The following PAPPA variants were observed in gnomAD, a reference collection of about 807,000 sequenced individuals.
PAPPA encodes pappalysin 1, also known as pappalysin-1.
A neutral mutation model predicts 164.0 loss-of-function variants in PAPPA; 60 were observed. The observed-to-expected ratio is 0.37, with a 90% CI of 0.30 to 0.45. The LOEUF (loss-of-function observed/expected upper bound fraction) is 0.45. Among genes scored for constraint, PAPPA ranks in the 20% least tolerant of loss-of-function variants. The pLI, the probability that PAPPA is intolerant of heterozygous loss-of-function variation, is 1.00. For missense variants in PAPPA, 1,782 were observed against 2,087.3 expected (o/e 0.85, Z 2.85); for synonymous variants, 875 against 814.1 (o/e 1.07, Z -1.27).
At chr9:116,213,677 T>C (rs989711410) in intron 4 of PAPPA, among the ~76,000 whole-genome samples, 11 of 152,278 alleles carry the variant, frequency 7.2e-5, no homozygotes, top group Middle Eastern at 3.4e-3. Flanking sequence ...TCTTTTTTTT[T>C]CCCCTTTGTA....
intron 2 of PAPPA, among the ~76,000 whole-genome samples, chr9:116,189,759 G>A (rs1205847071): frequency 6.6e-6 from 1 of 152,140 alleles, no homozygotes; most frequent in Admixed American, 6.5e-5. Context: ...CTGATGGCTC[G>A]AGCACATTTG....
rs191013473 is a variant in PAPPA, at chr9:116,189,362, A to G, written c.1478+1146A>G. Among the ~76,000 whole-genome samples the G allele has an allele frequency of 2.6e-5, 4 of 152,366 alleles. No individual in the cohort carries two copies. The East Asian group carries it at 7.7e-4, about 29-fold the overall frequency. On this transcript the variant is annotated intron_variant, in intron 2 of 21. Coordinates refer to ENST00000328252, the MANE Select transcript of PAPPA (RefSeq NM_002581.5). ...CTATAATAAACTGTTTGCTATCTATATGTTTCCCATAACATCATGTCTACC... is the reference window on the plus strand; with the variant it reads ...CTATAATAAACTGTTTGCTATCTATGTGTTTCCCATAACATCATGTCTACC...
Position 116,187,803 on chromosome 9 carries a change from C to T in PAPPA, c.1065C>T (p.Tyr355=), listed in dbSNP as rs1564177699. ...TCCGCCAGCCCAAGGTGGTGCGCTA[C>T]CGCGTGGTCAACCTCTATGAAGATG... ...SSFRQPKVVR[Y]RVVNLYEDDH... The change falls in exon 2 of 22, where the codon TAC becomes TAT. Residue 355 remains tyrosine, a synonymous_variant. Transcript: ENST00000328252. The surrounding 1 kb of genome is among the most constrained non-coding windows in gnomAD (Gnocchi z 4.2). 1.2e-6 allele frequency: 2 copies of T among 1,614,260 alleles called. No homozygotes were observed. Among genetic ancestry groups the T allele is most frequent in the South Asian group, 1.1e-5 (1 of 91,088 alleles).
At position 116,247,070 on chromosome 9, in the gene PAPPA, G is replaced by A. The variant is rs201316949; in HGVS notation, c.2732+11433G>A. 3.3e-5 allele frequency among the ~76,000 whole-genome samples: 5 copies of A among 152,130 alleles called. No individual in the cohort carries two copies. The East Asian group carries it at 9.7e-4, about 29-fold the overall frequency. Reference sequence around the variant, plus strand: ...GAGAAAATAAATGTTGTTACCTTGGGGAAGGAGATGATGGGTCTTGATCAT... The same window carrying A: ...GAGAAAATAAATGTTGTTACCTTGGAGAAGGAGATGATGGGTCTTGATCAT... On this transcript the variant is annotated intron_variant, in intron 7 of 21. Coordinates refer to ENST00000328252, the MANE Select transcript of PAPPA (RefSeq NM_002581.5).
chr9:116,380,197 C>G (rs1588028362), intron 20 of PAPPA, among the ~76,000 whole-genome samples: 1 of 152,298 alleles, frequency 6.6e-6, no homozygotes, highest in African/African-American at 2.4e-5. Context: ...GGGGTAGGAA[C>G]TATATCTATA....
At chr9:116,259,666 C>G (rs1844978452) in intron 7 of PAPPA, among the ~76,000 whole-genome samples, 1 of 152,116 alleles carries the variant, frequency 6.6e-6, no homozygotes, top group Non-Finnish European at 1.5e-5. Flanking sequence ...TGACAAGGAC[C>G]AGCACTTTGG....
intron 19 of PAPPA, among the ~76,000 whole-genome samples, chr9:116,369,857 G>A (rs1040699660): frequency 6.3e-4 from 95 of 151,872 alleles, no homozygotes; most frequent in African/African-American, 2.1e-3. Context: ...CCATAATGAG[G>A]TTCAGACCTC....
At chr9:116,169,748 T>TA (rs1491080324) in intron 1 of PAPPA, among the ~76,000 whole-genome samples, 2 of 150,868 alleles carry the variant, frequency 1.3e-5, no homozygotes, top group East Asian at 2.0e-4. Context: ...TTTTTTTTTT[T>TA]ATCTAGTGTG....
At chr9:116,213,319 TG>T (rs1473371508) in intron 4 of PAPPA, among the ~76,000 whole-genome samples, 1 of 152,198 alleles carries the variant, frequency 6.6e-6, no homozygotes, top group African/African-American at 2.4e-5. Context: ...TGATGACCCC[TG>T]GGGGCCTCTC....
intron 1 of PAPPA, among the ~76,000 whole-genome samples, chr9:116,162,202 A>G (rs1448591100): frequency 2.6e-5 from 4 of 152,156 alleles, no homozygotes; most frequent in Admixed American, 6.5e-5. Flanking sequence ...TGAGTGAGAA[A>G]ATTATTTGCT....
At chr9:116,173,270 A>T (rs1048052868) in intron 1 of PAPPA, among the ~76,000 whole-genome samples, 10 of 152,178 alleles carry the variant, frequency 6.6e-5, no homozygotes, top group African/African-American at 2.2e-4. Context: ...AAAACAATAG[A>T]AATTTAGTAG....
chr9:116,307,321 C>T (rs894985027), intron 10 of PAPPA, among the ~76,000 whole-genome samples: 7 of 152,136 alleles, frequency 4.6e-5, no homozygotes, highest in Non-Finnish European at 5.9e-5. Flanking sequence ...CAAACCAGGC[C>T]GGGCACGGTG....
chr9:116,241,633 T>C (rs534205155), intron 7 of PAPPA, among the ~76,000 whole-genome samples: 12 of 152,332 alleles, frequency 7.9e-5, no homozygotes, highest in African/African-American at 2.2e-4. Flanking sequence ...AATGACACAA[T>C]AGGGGCTCCA....
chr9:116,226,999 C>T (rs1171128758), intron 5 of PAPPA, among the ~76,000 whole-genome samples: 1 of 152,194 alleles, frequency 6.6e-6, no homozygotes, highest in African/African-American at 2.4e-5. Context: ...ATGCCTAAAA[C>T]ACAAGATGGT....
rs765475151 is a variant in PAPPA, at chr9:116,220,252, T to C, written c.2111+123T>C. The stretch of plus-strand genomic sequence containing the variant: ...ATTTCTTGTTCTTGTTCAAAAGGTA[T>C]CTCCACCACCTAGCATGTTGTAAAT... On this transcript the variant is annotated intron_variant, in intron 5 of 21. Transcript: ENST00000328252. The C allele has an allele frequency of 1.3e-4, 85 of 679,106 alleles. No homozygotes were observed. The Admixed American group carries it at 2.0e-3, about 16-fold the overall frequency. The allele number at this position is 679,106 out of a possible 1,614,324, so 42.1% of individuals were successfully genotyped here.
At chr9:116,266,056 C>T in intron 8 of PAPPA, 71 bp downstream of exon 8, 12 of 1,377,220 alleles carry the variant, frequency 8.7e-6, no homozygotes, top group Non-Finnish European at 1.2e-5. Flanking sequence ...GGGTGCTGAA[C>T]AGAAGAGCTT....
chr9:116,281,524 G>A (rs1845267122), intron 9 of PAPPA, among the ~76,000 whole-genome samples: 1 of 152,042 alleles, frequency 6.6e-6, no homozygotes. Context: ...TAAAAAGGGT[G>A]GCCAGAGGAA....
chr9:116,337,371 CAA>C (rs1846074696), intron 13 of PAPPA, among the ~76,000 whole-genome samples: 1 of 152,152 alleles, frequency 6.6e-6, no homozygotes, highest in Non-Finnish European at 1.5e-5. Context: ...TTTACCAAAA[CAA>C]GCAGGACTCT....
At chr9:116,211,236 A>G (rs887582096) in intron 3 of PAPPA, among the ~76,000 whole-genome samples, 1 of 152,194 alleles carries the variant, frequency 6.6e-6, no homozygotes, top group Non-Finnish European at 1.5e-5. Context: ...GGCTTTGTCT[A>G]GACAAGAATA....
Sources: allele counts gnomAD v4.1 joint callset (sites outside exome capture counted in the v4.1 genomes callset), GRCh38; gene constraint gnomAD v4.1.1; non-coding constraint Gnocchi (gnomAD v3.1); transcripts MANE v1.5; gene names NCBI Gene and HGNC (gene_info 2026-07-23, HGNC 2026-07-21).